P2RX6: variants seen among roughly 807,000 people sequenced by gnomAD.
P2RX6 encodes the protein P2X purinoceptor 6.
P2RX6 carries 62 observed loss-of-function variants against 54.2 expected under a neutral mutation model. The ratio of observed to expected loss-of-function variants is 1.14; its 90% CI spans 0.93 to 1.41. The LOEUF (loss-of-function observed/expected upper bound fraction) is 1.41, where lower values mean the gene tolerates loss of function less well. P2RX6 is among the 40% of genes most tolerant of loss of function. The probability of loss-of-function intolerance (pLI) is 0.00; values close to 1 mark genes in which losing one functional copy is unlikely to be tolerated. For synonymous variants in P2RX6, 211 were observed against 231.9 expected, an observed-to-expected ratio of 0.91 and a Z score of 0.82; for missense variants, 541 against 566.3, an observed-to-expected ratio of 0.96 and a Z score of 0.45.
At chr22:21,025,726 T>A in intron 8 of P2RX6, 79 bp from the exon 9 acceptor site, 1 of 1,019,916 alleles carries the variant, frequency 9.8e-7, no homozygotes. Context: ...AATTGACAAG[T>A]TGGACAGAGG....
intron 3 of P2RX6, 73 bp from the exon 4 acceptor site, chr22:21,022,603 C>T (rs1413576625): frequency 8.3e-7 from 1 of 1,209,430 alleles, no homozygotes; most frequent in African/African-American, 1.5e-5. Context: ...TTGAACCTCC[C>T]TGCCTTTGAG....
chr22:21,011,637 A>G (rs572171068), upstream of P2RX6: 163 of 705,694 alleles, frequency 2.3e-4, no homozygotes, highest in African/African-American at 2.7e-3. Context: ...AAAGCCAGGT[A>G]CCACCCCCCT....
rs772847280 is a variant in P2RX6, at chr22:21,018,002, T to G, written c.329T>G (p.Phe110Cys). 5 of 1,612,296 alleles carry G rather than the reference T, an allele frequency of 3.1e-6. No individual in the cohort carries two copies. The African/African-American group carries it at 5.3e-5, about 17-fold the overall frequency. ...CTTGCCTCCTAGGGAGAGAACGTGT[T>G]CTTCTTGGTGACCAACTTCCTTGTG... ...FVKPPQGENVFFLVTNFLVTP... is the reference protein window; with the variant it reads ...FVKPPQGENVCFLVTNFLVTP... The change falls in exon 3 of 12, where the codon TTC becomes TGC. Residue 110 changes from phenylalanine (F) to cysteine (C), a missense_variant. This residue lies in a region of P2RX6 where 526 missense variants were observed against 531.5 expected (regional missense o/e 0.99). Transcript: ENST00000413302.
chr22:21,012,552 G>A (rs1161546489), upstream of P2RX6: 1 of 619,468 alleles, frequency 1.6e-6, no homozygotes, highest in African/African-American at 1.9e-5. Context: ...TTTTGCTCAG[G>A]GCACCTGCCA....
intron 8 of P2RX6, among the ~76,000 whole-genome samples, chr22:21,024,878 GTTTT>G (rs562371289): frequency 9.0e-6 from 1 of 110,758 alleles, no homozygotes; most frequent in Non-Finnish European, 1.7e-5. Context: ...TTTTTTTTGT[GTTTT>G]TTTTTTTTTT....
upstream of P2RX6, chr22:21,015,104 A>G: frequency 1.1e-6 from 1 of 940,246 alleles, no homozygotes; most frequent in African/African-American, 1.7e-5. Context: ...CTTTAACAGC[A>G]ACTGGCCTGG....
At position 21,023,216 on chromosome 22, in the gene P2RX6, C is replaced by T. The variant is rs373857756; in HGVS notation, c.638+18C>T. 2.8e-5 allele frequency: 45 copies of T among 1,612,540 alleles called. No homozygotes were observed. The highest frequency in any genetic ancestry group is 3.1e-5 in the Non-Finnish European group (37 of 1,178,648). Reference sequence around the variant, plus strand: ...TTCTCTAAGTAAGCAGAGTGGGTCTCATCTGCCCCAAGACCCTCCTTGTCC... The same window carrying T: ...TTCTCTAAGTAAGCAGAGTGGGTCTTATCTGCCCCAAGACCCTCCTTGTCC... On this transcript the variant is annotated intron_variant, in intron 6 of 11. Coordinates refer to ENST00000413302, the MANE Select transcript of P2RX6 (RefSeq NM_005446.5).
chr22:21,016,774 T>C (rs115464568), intron 2 of P2RX6, among the ~76,000 whole-genome samples: 3,438 of 152,084 alleles, frequency 0.023, 88 homozygotes, highest in African/African-American at 0.066. Flanking sequence ...TCCTCCCCTC[T>C]TCTCGGCTGC....
intron 3 of P2RX6, among the ~76,000 whole-genome samples, 176 bp from the exon 4 acceptor site, chr22:21,022,500 C>T (rs1388923983): frequency 1.3e-5 from 2 of 152,188 alleles, no homozygotes; most frequent in Admixed American, 6.5e-5. Context: ...TATTTGCACC[C>T]TCCAGCTTTC....
rs1383316278 is a variant in P2RX6 at position 21,023,113 on chromosome 22, T to C, written c.558-5T>C. ...CAGAGGCTGTCACCTCCCTTCCACC[T>C]GCAGGAGGCCCCTGCTGGCCCAGGC... On this transcript the variant is annotated splice_region_variant and splice_polypyrimidine_tract_variant and intron_variant, in intron 5 of 11. Coordinates refer to ENST00000413302, the MANE Select transcript of P2RX6 (RefSeq NM_005446.5). 2 of 1,613,676 alleles carry C rather than the reference T, an allele frequency of 1.2e-6. No individual in the cohort carries two copies. Among genetic ancestry groups the C allele is most frequent in the Non-Finnish European group, 8.5e-7 (1 of 1,179,582 alleles).
chr22:21,017,820 G>T (rs1926668589), intron 2 of P2RX6, 169 bp from the exon 3 acceptor site: 3 of 692,034 alleles, frequency 4.3e-6, no homozygotes, highest in East Asian at 5.5e-5. Flanking sequence ...CTCAAAAATG[G>T]CCAGAACCAC....
chr22:21,026,610 G>A lies in P2RX6; in HGVS notation c.1319G>A (p.Ser440Asn). 6.3e-7 allele frequency: 1 copy of A among 1,581,626 alleles called. No individual in the cohort carries two copies. The highest frequency in any genetic ancestry group is 8.6e-7 in the Non-Finnish European group (1 of 1,164,848). ...ACCCACTTGCCAACCCATTCCGGGA[G>A]CCTGTAGCCGTTCCCTGCTGGTTGA... ...SDTHLPTHSG[S>N]L Residue 440 changes from serine to asparagine, a missense_variant, in exon 12 of 12, where the codon AGC becomes AAC. Transcript: ENST00000413302. The surrounding 1 kb of genome is among the most constrained non-coding windows in gnomAD (Gnocchi z 4.0).
intron 9 of P2RX6, 51 bp downstream of exon 9, chr22:21,025,949 G>T: frequency 6.3e-7 from 1 of 1,583,368 alleles, no homozygotes; most frequent in Non-Finnish European, 8.6e-7. Context: ...AGGCAGACAG[G>T]GCTGGAGGAG....
At chr22:21,014,198 C>T (rs1601740005), upstream of P2RX6, 1 of 154,796 alleles carries the variant, frequency 6.5e-6, no homozygotes, top group East Asian at 1.9e-4. Context: ...CTCCCCAGAC[C>T]TCTGGCAGGA....
In P2RX6 at chr22:21,026,181, G is replaced by A. The variant is rs1028656844; in HGVS notation, c.1051-71G>A. 5.2e-6 allele frequency: 8 copies of A among 1,527,090 alleles called. No homozygotes were observed. The East Asian group carries it at 7.1e-5, about 14-fold the overall frequency. The allele number at this position is 1,527,090 out of a possible 1,614,324, so 94.6% of individuals were successfully genotyped here. ...CCGGTGCCTGCACATTGAGTCTCGG[G>A]GTGCAGGCTGGGGAGGTGGCAGGAG... On this transcript the variant is annotated intron_variant, in intron 10 of 11. Coordinates refer to ENST00000413302, the MANE Select transcript of P2RX6 (RefSeq NM_005446.5). This position sits in a 1 kb window ranked among gnomAD's most constrained non-coding sequence, Gnocchi z 4.0.
At chr22:21,018,697 C>G (rs1248491791) in intron 3 of P2RX6, 1 of 153,110 alleles carries the variant, frequency 6.5e-6, no homozygotes, top group Non-Finnish European at 1.5e-5. Flanking sequence ...ACTGCAAGCT[C>G]TGCCTCTCAG....
rs199858012 is a variant in P2RX6, at chr22:21,023,253, T to C, written c.639-22T>C. The stretch of plus-strand genomic sequence containing the variant: ...GACCCTCCTTGTCCCCTACCTCATC[T>C]GACCTTTCCCACTCCTCCCAGGTCC... On this transcript the variant is annotated intron_variant, in intron 6 of 11. Coordinates refer to ENST00000413302, the MANE Select transcript of P2RX6 (RefSeq NM_005446.5). The C allele has an allele frequency of 9.2e-5, 149 of 1,614,008 alleles. No individual in the cohort carries two copies. In the East Asian group the frequency reaches 1.4e-3, roughly 15 times the overall value.
At position 21,025,906 on chromosome 22, in the gene P2RX6, C is replaced by T. The variant is rs772167043; in HGVS notation, c.984+8C>T. The T allele has an allele frequency of 2.5e-6, 4 of 1,580,144 alleles. No individual in the cohort carries two copies. In the Admixed American group the frequency reaches 7.4e-5, roughly 29 times the overall value. ...ATCCTCGTCACCGGGCAGGTAGGCA[C>T]AGGTAGGGGTCAGGCCGGGGATGGG... On this transcript the variant is annotated splice_region_variant and intron_variant, in intron 9 of 11. Transcript: ENST00000413302.
chr22:21,011,522 T>A (rs985215443), upstream of P2RX6: 6 of 714,178 alleles, frequency 8.4e-6, no homozygotes, highest in Admixed American at 6.0e-5. Context: ...ATGGCCTGGT[T>A]CACTGTGAGG....
Sources: allele counts gnomAD v4.1 joint callset (sites outside exome capture counted in the v4.1 genomes callset), GRCh38; gene constraint gnomAD v4.1.1; regional missense constraint gnomAD v4.1.1; non-coding constraint Gnocchi (gnomAD v3.1); transcripts MANE v1.5; gene names NCBI Gene and HGNC (gene_info 2026-07-23, HGNC 2026-07-21).